Variants in PTPRT observed in about 807,000 individuals in gnomAD.
PTPRT encodes the protein receptor-type tyrosine-protein phosphatase T.
In PTPRT, 56 loss-of-function variants were observed where a neutral mutation model predicts 176.8. That is an observed-to-expected ratio of 0.32 (90% confidence interval 0.26 to 0.40). The LOEUF (loss-of-function observed/expected upper bound fraction) is 0.40, where lower values mean the gene tolerates loss of function less well. Ranked by LOEUF, PTPRT falls within the 10% of genes least tolerant of loss-of-function variation. The pLI is 1.00. For synonymous variants in PTPRT, 783 were observed against 739.0 expected (o/e 1.06, Z -0.96); for missense variants, 1,540 against 1,908.2 (o/e 0.81, Z 3.60).
chr20:42,992,843 C>A (rs1315074893), intron 1 of PTPRT, among the ~76,000 whole-genome samples: 1 of 152,210 alleles, frequency 6.6e-6, no homozygotes, highest in Non-Finnish European at 1.5e-5. Context: ...TCACTCTCTT[C>A]ATGTAGTCTC....
intron 16 of PTPRT, among the ~76,000 whole-genome samples, chr20:42,187,287 A>T (rs1990819316): frequency 6.6e-6 from 1 of 152,132 alleles, no homozygotes; most frequent in Admixed American, 6.6e-5. Flanking sequence ...GTGCTCACTT[A>T]ACATCTGTCT....
intron 3 of PTPRT, among the ~76,000 whole-genome samples, chr20:42,790,237 AAC>A (rs1318552744): frequency 6.6e-5 from 10 of 150,404 alleles, no homozygotes; most frequent in African/African-American, 1.5e-4. Flanking sequence ...AAAAAAAAAA[AAC>A]AAAACTTTCA....
chr20:42,484,698 C>T (rs2071439065), intron 7 of PTPRT, among the ~76,000 whole-genome samples: 1 of 152,186 alleles, frequency 6.6e-6, no homozygotes, highest in South Asian at 2.1e-4. Context: ...TGTCTCAACA[C>T]AGTTTGAAAA....
intron 1 of PTPRT, among the ~76,000 whole-genome samples, chr20:42,888,582 A>G (rs1302530480): frequency 6.6e-6 from 1 of 152,230 alleles, no homozygotes; most frequent in Non-Finnish European, 1.5e-5. Flanking sequence ...CCATGGCAGC[A>G]TAGCTGTAGA....
At position 42,236,209 on chromosome 20, in the gene PTPRT, A is replaced by C; in HGVS notation, c.2342+20T>G. The C allele has an allele frequency of 6.3e-7, 1 of 1,586,114 alleles. No homozygotes were observed. Among genetic ancestry groups the C allele is most frequent in the Non-Finnish European group, 8.6e-7 (1 of 1,156,356 alleles). On this transcript the variant is annotated intron_variant, in intron 15 of 30. Transcript: ENST00000373187. The stretch of plus-strand genomic sequence containing the variant: ...CCCTTACAGGGCACGAAGCAAAGTT[A>C]ACACCAGCTCGATACTTACAAGTAA...
chr20:42,223,169 G>T lies in PTPRT; in HGVS notation c.2342+13060C>A, dbSNP rs143932815. Among the ~76,000 whole-genome samples the T allele has an allele frequency of 3.2e-3, 480 of 152,296 alleles. 1 individual carries two copies. The highest frequency in any genetic ancestry group is 6.3e-3 in the Admixed American group (96 of 15,294). On this transcript the variant is annotated intron_variant, in intron 15 of 30. Transcript: ENST00000373187. ...AAAGTACTTGGTAAACTGCAAAACA[G>T]CAGTAGACAGAGTAATATAAAACAT...
chr20:42,350,224 T>TCTTTGTTG (rs1568799331), intron 11 of PTPRT, among the ~76,000 whole-genome samples: 1 of 25,618 alleles, frequency 3.9e-5, no homozygotes, highest in Non-Finnish European at 8.2e-5. Flanking sequence ...GTTTTTTTTT[T>TCTTTGTTG]TTTTTTTTTT....
intron 1 of PTPRT, among the ~76,000 whole-genome samples, chr20:42,987,649 C>T (rs1983676459): frequency 6.6e-6 from 1 of 152,106 alleles, no homozygotes; most frequent in Admixed American, 6.5e-5. Flanking sequence ...CCCACCCCTC[C>T]CCCACAGTTT....
chr20:42,645,796 G>GTGTGTA (rs1555892747), intron 7 of PTPRT, among the ~76,000 whole-genome samples: 1 of 147,144 alleles, frequency 6.8e-6, no homozygotes, highest in Non-Finnish European at 1.5e-5. Context: ...GTGTGTGTGT[G>GTGTGTA]TGTGTGTAGG....
At chr20:42,769,085 TAACTC>T (rs2077025880) in intron 5 of PTPRT, among the ~76,000 whole-genome samples, 1 of 152,168 alleles carries the variant, frequency 6.6e-6, no homozygotes, top group African/African-American at 2.4e-5. Context: ...AAAGAGTAAA[TAACTC>T]TACCGAATAC....
chr20:42,869,352 C>T (rs1281480111), intron 2 of PTPRT, among the ~76,000 whole-genome samples: 2 of 152,124 alleles, frequency 1.3e-5, no homozygotes, highest in Non-Finnish European at 2.9e-5. Context: ...CCCAGCAAAG[C>T]CATGAAGAAT....
At chr20:42,999,776 C>T (rs1016227460) in intron 1 of PTPRT, among the ~76,000 whole-genome samples, 2 of 151,736 alleles carry the variant, frequency 1.3e-5, no homozygotes, top group Non-Finnish European at 2.9e-5. Flanking sequence ...CACGGCACTC[C>T]AATCTGGGCA....
intron 15 of PTPRT, among the ~76,000 whole-genome samples, chr20:42,222,785 C>T (rs563232611): frequency 1.5e-4 from 23 of 152,284 alleles, no homozygotes; most frequent in South Asian, 8.3e-4. Flanking sequence ...CATGTTTCCC[C>T]GAGTTCTGTG....
At chr20:42,769,751 T>C (rs1278328398) in intron 5 of PTPRT, among the ~76,000 whole-genome samples, 1 of 152,178 alleles carries the variant, frequency 6.6e-6, no homozygotes, top group Non-Finnish European at 1.5e-5. Flanking sequence ...GGTAGATGGA[T>C]AAACAAATAG....
intron 17 of PTPRT, among the ~76,000 whole-genome samples, chr20:42,147,144 G>A (rs1600588314): frequency 6.6e-6 from 1 of 152,138 alleles, no homozygotes; most frequent in East Asian, 1.9e-4. Flanking sequence ...TCTTTGTCAC[G>A]ACTGTATCTC....
At chr20:42,331,542 T>C (rs1298300825) in intron 11 of PTPRT, among the ~76,000 whole-genome samples, 1 of 152,202 alleles carries the variant, frequency 6.6e-6, no homozygotes, top group Non-Finnish European at 1.5e-5. Flanking sequence ...ATAGCAGGCA[T>C]ACTTATTTGC....
chr20:42,827,436 T>C (rs8126199), intron 2 of PTPRT, among the ~76,000 whole-genome samples: 12,708 of 152,104 alleles, frequency 0.084, 642 homozygotes, highest in Admixed American at 0.15. Context: ...AATTAAACAA[T>C]ATGCCCCTGA....
chr20:42,715,833 C>G (rs1445713711), intron 6 of PTPRT, among the ~76,000 whole-genome samples: 1 of 152,050 alleles, frequency 6.6e-6, no homozygotes, highest in Admixed American at 6.5e-5. Flanking sequence ...AGTATTTTTT[C>G]TTTTTAAATA....
chr20:42,739,607 G>T (rs151176180), intron 6 of PTPRT, among the ~76,000 whole-genome samples: 1 of 152,194 alleles, frequency 6.6e-6, no homozygotes, highest in East Asian at 1.9e-4. Flanking sequence ...GGCAGAAAGA[G>T]AAGCTGAGAG....
Sources: allele counts gnomAD v4.1 joint callset (sites outside exome capture counted in the v4.1 genomes callset), GRCh38; gene constraint gnomAD v4.1.1; transcripts MANE v1.5; gene names NCBI Gene and HGNC (gene_info 2026-07-23, HGNC 2026-07-21).